The following C12orf42 variants were observed in gnomAD, a reference collection of about 807,000 sequenced individuals.
C12orf42 encodes uncharacterized protein C12orf42.
Under a neutral mutation model 21.6 loss-of-function variants are expected in C12orf42, and 25 were observed. The ratio of observed to expected loss-of-function variants is 1.16; its 90% CI spans 0.84 to 1.62. C12orf42 has a LOEUF of 1.62. Ranked by LOEUF, C12orf42 falls within the 40% of genes most tolerant of loss-of-function variation. The probability of loss-of-function intolerance (pLI) is 0.00; values close to 1 mark genes in which losing one functional copy is unlikely to be tolerated. For synonymous variants in C12orf42, 174 were observed against 175.0 expected (o/e 0.99, Z 0.05); for missense variants, 483 against 459.3 (o/e 1.05, Z -0.47).
chr12:103,417,644 A>G (rs2049478837), intron 2 of C12orf42, among the ~76,000 whole-genome samples: 1 of 152,184 alleles, frequency 6.6e-6, no homozygotes, highest in African/African-American at 2.4e-5. Context: ...ACTGCTATTA[A>G]CCTTTAAGCA....
intron 2 of C12orf42, among the ~76,000 whole-genome samples, chr12:103,459,785 T>A (rs947361814): frequency 6.6e-6 from 1 of 152,224 alleles, no homozygotes. Context: ...AAGGTCTTTA[T>A]GTGAAGCACA....
At chr12:103,460,680 A>G (rs1952640034) in intron 2 of C12orf42, among the ~76,000 whole-genome samples, 1 of 152,182 alleles carries the variant, frequency 6.6e-6, no homozygotes, top group African/African-American at 2.4e-5. Flanking sequence ...TTTTGGATGG[A>G]GAATTTCTAT....
At chr12:103,266,876 G>T (rs2035195820), downstream of C12orf42, among the ~76,000 whole-genome samples, 3 of 152,052 alleles carry the variant, frequency 2.0e-5, no homozygotes. Flanking sequence ...ACCTTCTAGG[G>T]TATCTGGGGA....
chr12:103,185,310 C>G, the C12orf42 span, among the ~76,000 whole-genome samples: 1 of 152,156 alleles, frequency 6.6e-6, no homozygotes, highest in Non-Finnish European at 1.5e-5. Context: ...TTGGAGAAAG[C>G]TCTTCAGCAG....
the C12orf42 span, among the ~76,000 whole-genome samples, chr12:103,090,142 T>A: frequency 6.6e-6 from 1 of 152,226 alleles, no homozygotes; most frequent in Non-Finnish European, 1.5e-5. Flanking sequence ...CCATGACTTG[T>A]TTAGCGTGGT....
the C12orf42 span, among the ~76,000 whole-genome samples, chr12:103,533,661 G>C: frequency 5.9e-5 from 9 of 152,206 alleles, 1 homozygote; most frequent in Admixed American, 2.6e-4. Flanking sequence ...CATTTTTGTT[G>C]GTCAAAAATG....
chr12:103,135,154 C>T, the C12orf42 span, among the ~76,000 whole-genome samples: 2 of 152,070 alleles, frequency 1.3e-5, no homozygotes, highest in Non-Finnish European at 2.9e-5. Flanking sequence ...AGATCAAACA[C>T]ACAATTAAGA....
the C12orf42 span, among the ~76,000 whole-genome samples, chr12:103,530,016 A>G: frequency 6.6e-6 from 1 of 152,190 alleles, no homozygotes; most frequent in Non-Finnish European, 1.5e-5. Flanking sequence ...CAATACGCTT[A>G]AGGCACAAGT....
intron 4 of C12orf42, among the ~76,000 whole-genome samples, chr12:103,330,588 T>C (rs146811181): frequency 9.8e-5 from 15 of 152,366 alleles, no homozygotes; most frequent in African/African-American, 3.6e-4. Flanking sequence ...CATGACTCTA[T>C]GTGAAAGGAC....
the C12orf42 span, among the ~76,000 whole-genome samples, chr12:103,197,829 C>A: frequency 6.6e-6 from 1 of 152,136 alleles, no homozygotes; most frequent in Non-Finnish European, 1.5e-5. Context: ...TTCAGTGAGA[C>A]AAGCCTCAGC....
the C12orf42 span, among the ~76,000 whole-genome samples, chr12:103,557,073 A>G: frequency 6.6e-6 from 1 of 152,186 alleles, no homozygotes; most frequent in Admixed American, 6.5e-5. Context: ...CCTTTAAGCC[A>G]CTAGATTTGT....
the C12orf42 span, among the ~76,000 whole-genome samples, chr12:103,074,477 A>G: frequency 6.6e-6 from 1 of 152,136 alleles, no homozygotes; most frequent in Non-Finnish European, 1.5e-5. Context: ...TATCAAACAG[A>G]AAGAGTACTG....
chr12:103,250,338 C>T (rs147139393), intron 10 of C12orf42, among the ~76,000 whole-genome samples: 263 of 152,098 alleles, frequency 1.7e-3, no homozygotes, highest in African/African-American at 6.0e-3. Context: ...GGTTGCAAGA[C>T]GGCTTCCACA....
At chr12:103,085,962 C>G in the C12orf42 span, among the ~76,000 whole-genome samples, 1 of 152,198 alleles carries the variant, frequency 6.6e-6, no homozygotes, top group Non-Finnish European at 1.5e-5. Flanking sequence ...AGAATGGTCT[C>G]CAAACCTTGC....
At chr12:103,354,197 C>CTA (rs1223748582) in intron 4 of C12orf42, among the ~76,000 whole-genome samples, 1 of 152,130 alleles carries the variant, frequency 6.6e-6, no homozygotes, top group Non-Finnish European at 1.5e-5. Flanking sequence ...TCTGAGGCTG[C>CTA]TATTAGTCCA....
intron 2 of C12orf42, among the ~76,000 whole-genome samples, chr12:103,437,798 T>C (rs1279729095): frequency 7.2e-6 from 1 of 138,442 alleles, no homozygotes; most frequent in Non-Finnish European, 1.6e-5. Context: ...CCAGACCAGA[T>C]GGATTCACAG....
At chr12:103,083,860 A>G in the C12orf42 span, among the ~76,000 whole-genome samples, 1 of 152,192 alleles carries the variant, frequency 6.6e-6, no homozygotes, top group Non-Finnish European at 1.5e-5. Flanking sequence ...TCTTCTGGGA[A>G]AGTTCTTAAC....
chr12:103,128,808 T>C, the C12orf42 span, among the ~76,000 whole-genome samples: 9 of 152,252 alleles, frequency 5.9e-5, no homozygotes, highest in African/African-American at 1.9e-4. Flanking sequence ...GTCAGCCTAA[T>C]AGACTGTGAG....
At chr12:103,078,999 T>G in the C12orf42 span, among the ~76,000 whole-genome samples, 1 of 152,180 alleles carries the variant, frequency 6.6e-6, no homozygotes, top group African/African-American at 2.4e-5. Context: ...TGCTTTCTCA[T>G]GTTGCTCCCA....
Sources: allele counts gnomAD v4.1 joint callset (sites outside exome capture counted in the v4.1 genomes callset), GRCh38; gene constraint gnomAD v4.1.1; transcripts MANE v1.5; gene names NCBI Gene and HGNC (gene_info 2026-07-23, HGNC 2026-07-21).